MAF: variants seen among roughly 807,000 people sequenced by gnomAD.
MAF encodes transcription factor Maf.
MAF carries 10 observed loss-of-function variants against 22.0 expected under a neutral mutation model. The ratio of observed to expected loss-of-function variants is 0.45; its 90% CI spans 0.28 to 0.77. MAF has a LOEUF of 0.77. MAF is among the 30% of genes least tolerant of loss of function. MAF has a pLI of 0.12. For missense variants in MAF, 544 were observed against 548.4 expected (o/e 0.99, Z 0.08); for synonymous variants, 337 against 255.8 (o/e 1.32, Z -3.03).
At chr16:79,401,796 G>T in the MAF span, among the ~76,000 whole-genome samples, 11 of 152,318 alleles carry the variant, frequency 7.2e-5, no homozygotes, top group African/African-American at 2.6e-4. Context: ...TAGGACAAGA[G>T]CTGCTGAGAT....
At chr16:79,519,433 G>A in the MAF span, among the ~76,000 whole-genome samples, 2 of 152,186 alleles carry the variant, frequency 1.3e-5, no homozygotes, top group Non-Finnish European at 2.9e-5. Flanking sequence ...ATGCTACGGG[G>A]AGTCTCTAAC....
At chr16:79,540,005 C>T in the MAF span, among the ~76,000 whole-genome samples, 1 of 151,950 alleles carries the variant, frequency 6.6e-6, no homozygotes, top group South Asian at 2.1e-4. Context: ...CAAACATAGC[C>T]AGGTGAGTCT....
At chr16:79,459,956 C>A in the MAF span, among the ~76,000 whole-genome samples, 2 of 152,092 alleles carry the variant, frequency 1.3e-5, no homozygotes, top group African/African-American at 2.4e-5. Flanking sequence ...ATCAAGGAAG[C>A]GTATTTGCTG....
chr16:79,317,757 C>T, the MAF span, among the ~76,000 whole-genome samples: 4 of 152,192 alleles, frequency 2.6e-5, no homozygotes, highest in Non-Finnish European at 5.9e-5. Flanking sequence ...CCGATTTGCT[C>T]TGGGCTCCAC....
the MAF span, among the ~76,000 whole-genome samples, chr16:79,553,706 C>T: frequency 6.9e-3 from 1,047 of 152,280 alleles, 8 homozygotes; most frequent in South Asian, 0.017. Context: ...CTTGAAAGGG[C>T]GTCTAGCATG....
chr16:79,274,323 C>A, the MAF span, among the ~76,000 whole-genome samples: 1 of 151,762 alleles, frequency 6.6e-6, no homozygotes, highest in Non-Finnish European at 1.5e-5. Flanking sequence ...TCACAAAGAT[C>A]CATAAACCCG....
chr16:79,370,353 A>AC, the MAF span, among the ~76,000 whole-genome samples: 59 of 152,008 alleles, frequency 3.9e-4, no homozygotes, highest in East Asian at 0.01. Flanking sequence ...CCCTTAAAAC[A>AC]CCCCCAAAAT....
At chr16:79,339,556 G>C in the MAF span, among the ~76,000 whole-genome samples, 19 of 152,188 alleles carry the variant, frequency 1.2e-4, no homozygotes, top group Admixed American at 1.2e-3. Flanking sequence ...GAGATAGCTT[G>C]TGTTAAGCCG....
the MAF span, among the ~76,000 whole-genome samples, chr16:79,302,202 A>G: frequency 6.6e-6 from 1 of 152,232 alleles, no homozygotes; most frequent in Non-Finnish European, 1.5e-5. Context: ...GGAATGACTC[A>G]GGACTCCATT....
At chr16:79,594,603 C>A in intron 1 of MAF, 50 bp from the exon 2 acceptor site, 4 of 1,548,636 alleles carry the variant, frequency 2.6e-6, no homozygotes, top group Non-Finnish European at 3.5e-6. Context: ...AAAGATCAAA[C>A]GCAGCGTAAA....
chr16:79,519,674 C>G, the MAF span, among the ~76,000 whole-genome samples: 3 of 152,236 alleles, frequency 2.0e-5, no homozygotes, highest in Non-Finnish European at 4.4e-5. Context: ...CGACACTGCT[C>G]TCGTATACCC....
chr16:79,396,218 C>A, the MAF span, among the ~76,000 whole-genome samples: 1 of 152,178 alleles, frequency 6.6e-6, no homozygotes. Flanking sequence ...GGAGGCCACA[C>A]TACTGGAGGC....
At chr16:79,595,001 T>A in intron 1 of MAF, 1 of 1,069,726 alleles carries the variant, frequency 9.3e-7, no homozygotes, top group Non-Finnish European at 1.1e-6. Context: ...AATAACTACA[T>A]CCAGAATATC....
the MAF span, among the ~76,000 whole-genome samples, chr16:79,475,996 T>A: frequency 6.6e-6 from 1 of 152,210 alleles, no homozygotes; most frequent in African/African-American, 2.4e-5. Flanking sequence ...TCAAGGTCCC[T>A]AATCAGTTCG....
At chr16:79,484,437 C>A in the MAF span, among the ~76,000 whole-genome samples, 1 of 152,210 alleles carries the variant, frequency 6.6e-6, no homozygotes, top group Non-Finnish European at 1.5e-5. Context: ...GGTGACTCAG[C>A]CTTTCTGGCC....
chr16:79,344,452 C>T, the MAF span, among the ~76,000 whole-genome samples: 1 of 152,298 alleles, frequency 6.6e-6, no homozygotes, highest in Middle Eastern at 3.4e-3. Context: ...GAAGAGGGCG[C>T]TCTTAATAAC....
chr16:79,344,661 G>A, the MAF span, among the ~76,000 whole-genome samples: 440 of 152,234 alleles, frequency 2.9e-3, no homozygotes, highest in Middle Eastern at 3.4e-3. Flanking sequence ...AGAGCTGTCC[G>A]AATCATAGTT....
the MAF span, among the ~76,000 whole-genome samples, chr16:79,214,524 G>A: frequency 2.0e-5 from 3 of 151,742 alleles, no homozygotes; most frequent in South Asian, 2.1e-4. Context: ...TCCTGCCTCA[G>A]CCTACCAAAT....
the MAF span, among the ~76,000 whole-genome samples, chr16:79,336,355 G>A: frequency 6.6e-6 from 1 of 152,210 alleles, no homozygotes; most frequent in East Asian, 1.9e-4. Flanking sequence ...GAAAGTTTAA[G>A]CAACTTGCCC....
Sources: gnomAD v4.1 joint callset for allele counts (sites outside exome capture counted in the v4.1 genomes callset) on GRCh38, gnomAD v4.1.1 for gene constraint, MANE v1.5 for transcripts, NCBI Gene and HGNC (gene_info 2026-07-23, HGNC 2026-07-21) for gene names.